Variants in CGN observed in about 807,000 individuals in gnomAD.
CGN encodes the protein cingulin.
Under a neutral mutation model 157.1 loss-of-function variants are expected in CGN, and 121 were observed. The ratio of observed to expected loss-of-function variants is 0.77; its 90% CI spans 0.66 to 0.90. The LOEUF is 0.90. Among genes scored for constraint, CGN ranks in the 40% least tolerant of loss-of-function variants. The pLI, the probability that CGN is intolerant of heterozygous loss-of-function variation, is 0.00. For synonymous variants in CGN, 535 were observed against 607.5 expected (o/e 0.88, Z 1.76); for missense variants, 1,424 against 1,520.9 (o/e 0.94, Z 1.06).
At chr1:151,520,381 C>G in intron 3 of CGN, 33 bp from the exon 4 acceptor site, 1 of 1,599,832 alleles carries the variant, frequency 6.3e-7, no homozygotes, top group South Asian at 1.1e-5. Context: ...TCTTTCCTCC[C>G]CTAACCCTTG....
At position 151,520,215 on chromosome 1, in the gene CGN, C is replaced by T; in HGVS notation, c.923C>T (p.Pro308Leu). Residue 308 changes from proline to leucine, a missense_variant, in exon 3 of 21, where the codon CCA becomes CTA. Around this residue, in one of 3 missense-constraint regions of CGN, gnomAD observed 1,187 missense variants for 1,217.6 expected, o/e 0.97. Coordinates refer to ENST00000271636, the MANE Select transcript of CGN (RefSeq NM_020770.3). ...CGAGACCAGCAGGAGGCAGCCCCAC[C>T]AGGCAGTGTGGACCATATGAAGGCC... ...LLRDQQEAAP[P>L]GSVDHMKATI... 6.2e-7 allele frequency: 1 copy of T among 1,613,992 alleles called. No homozygotes were observed.
intron 5 of CGN, among the ~76,000 whole-genome samples, chr1:151,522,228 C>T (rs1035082718): frequency 1.3e-5 from 2 of 152,342 alleles, no homozygotes; most frequent in Non-Finnish European, 2.9e-5. Context: ...TGTGATTGCA[C>T]TGCTGCACTC....
chr1:151,528,855 C>T (rs1452699689), intron 10 of CGN, among the ~76,000 whole-genome samples: 1 of 152,184 alleles, frequency 6.6e-6, no homozygotes, highest in Non-Finnish European at 1.5e-5. Context: ...CTTTTTGTCT[C>T]TGGATTTACC....
At position 151,535,574 on chromosome 1, in the gene CGN, C is replaced by T. The variant is rs367912828; in HGVS notation, c.2995-26C>T. On this transcript the variant is annotated intron_variant, in intron 16 of 20. Transcript: ENST00000271636. ...GGTTCATCCTTAGCCCTCCCCAAGT[C>T]TGGTCCTCTCACCCATCCCCACTAG... The T allele has an allele frequency of 4.4e-6, 7 of 1,588,970 alleles. No individual in the cohort carries two copies. In the African/African-American group the frequency reaches 9.4e-5, roughly 21 times the overall value.
In CGN at chr1:151,520,500, G is replaced by A; in HGVS notation, c.1044+17G>A. 6.2e-7 allele frequency: 1 copy of A among 1,613,438 alleles called. No individual in the cohort carries two copies. Among genetic ancestry groups the A allele is most frequent in the Non-Finnish European group, 8.5e-7 (1 of 1,179,366 alleles). ...CCTCTAGTGGTGAGTGGCCTTCTCT[G>A]GATGGGAGCAAGGGTCAAGGTTAGA... On this transcript the variant is annotated intron_variant, in intron 4 of 20. Transcript: ENST00000271636.
intron 1 of CGN, among the ~76,000 whole-genome samples, chr1:151,512,125 A>T (rs987127109): frequency 6.6e-6 from 1 of 152,046 alleles, no homozygotes; most frequent in African/African-American, 2.4e-5. Context: ...CAGGTGTACA[A>T]CCATTAGGCT....
intron 11 of CGN, 32 bp from the exon 12 acceptor site, chr1:151,529,877 G>A (rs560789391): frequency 3.1e-6 from 5 of 1,597,906 alleles, no homozygotes; most frequent in Non-Finnish European, 4.3e-6. Context: ...ACGCCCTGGG[G>A]TCTGAGCTGC....
chr1:151,535,901 G>C lies in CGN; in HGVS notation c.3197+3G>C. ...GAGCGGCTACAGGCTGAAGAGAGGT[G>C]ACATAAGCCTATCCTTCCTCCCTTC... On this transcript the variant is annotated splice_donor_region_variant and intron_variant, in intron 18 of 20. Coordinates refer to ENST00000271636, the MANE Select transcript of CGN (RefSeq NM_020770.3). 6.2e-7 allele frequency: 1 copy of C among 1,603,122 alleles called. No homozygotes were observed. Among genetic ancestry groups the C allele is most frequent in the Non-Finnish European group, 8.5e-7 (1 of 1,170,986 alleles).
intron 1 of CGN, among the ~76,000 whole-genome samples, chr1:151,517,889 C>A (rs1314075908): frequency 1.3e-5 from 2 of 148,468 alleles, no homozygotes; most frequent in Non-Finnish European, 3.0e-5. Context: ...CTCACTCTGT[C>A]ACCCAGGCTG....
In CGN at chr1:151,524,664, T is replaced by C. The variant is rs1573130; in HGVS notation, c.1402-10T>C. On this transcript the variant is annotated splice_polypyrimidine_tract_variant and intron_variant, in intron 7 of 20. Transcript: ENST00000271636. The surrounding 1 kb of genome is among the most constrained non-coding windows in gnomAD (Gnocchi z 4.4). ...GGTCACCCCTGTACTTCTTCCTTTA[T>C]TTTCTCCAGGACCTGTTAGAGACCC... 359,330 of 1,594,494 alleles carry C rather than the reference T, an allele frequency of 0.23. 54,806 individuals carry two copies. Among genetic ancestry groups the C allele is most frequent in the East Asian group, 0.79 (35,372 of 44,656 alleles).
upstream of CGN, among the ~76,000 whole-genome samples, chr1:151,510,327 A>G (rs1664253847): frequency 6.6e-6 from 1 of 152,224 alleles, no homozygotes; most frequent in African/African-American, 2.4e-5. Context: ...TACAGGGTAA[A>G]TATTTGTTGT....
Position 151,520,650 on chromosome 1 carries a change from A to G in CGN, c.1099A>G (p.Lys367Glu), listed in dbSNP as rs1664525170. 1 of 1,614,086 alleles carries G rather than the reference A, an allele frequency of 6.2e-7. No individual in the cohort carries two copies. Among genetic ancestry groups the G allele is most frequent in the African/African-American group, 1.3e-5 (1 of 74,954 alleles). ...GGCAGGGCAGGGTGAGCTTACCCGA[A>G]AAGTGGAGGAGCTACAGCGAAAGCT... ...AVAGQGELTR[K>E]VEELQRKLDE... The change falls in exon 5 of 21, where the codon AAA (lysine) becomes GAA (glutamate). Residue 367 changes from lysine to glutamate, a missense_variant. By Grantham distance (56) the Lys-to-Glu change is moderately conservative (BLOSUM62 1). Coordinates refer to ENST00000271636, the MANE Select transcript of CGN (RefSeq NM_020770.3).
intron 5 of CGN, among the ~76,000 whole-genome samples, chr1:151,522,979 G>A (rs1664574784): frequency 6.6e-6 from 1 of 152,046 alleles, no homozygotes; most frequent in Non-Finnish European, 1.5e-5. Flanking sequence ...TCAAATGGCT[G>A]TTGGTTGTAA....
Position 151,519,281 on chromosome 1 carries a change from C to A in CGN, c.762C>A (p.Ser254Arg). ...GCACTTCGAAGCAGCCAGCCCAGAG[C>A]CAGAACCTGAGTCCTCTCAGTGGCT... ...HVGTSKQPAQSQNLSPLSGFS... is the reference protein window; with the variant it reads ...HVGTSKQPAQRQNLSPLSGFS... Residue 254 changes from serine to arginine, a missense_variant, in exon 2 of 21, where the codon AGC becomes AGA. By Grantham distance (110) the Ser-to-Arg change is moderately radical. Coordinates refer to ENST00000271636, the MANE Select transcript of CGN (RefSeq NM_020770.3). The A allele has an allele frequency of 6.2e-7, 1 of 1,613,978 alleles. No individual in the cohort carries two copies. The highest frequency in any genetic ancestry group is 1.6e-4 in the Middle Eastern group (1 of 6,062).
chr1:151,522,244 T>C lies in CGN; in HGVS notation c.1141-1190T>C, dbSNP rs542757368. ...GTGATTGCACTGCTGCACTCCAGCC[T>C]GGGTGCCAGAGCAAGACCCTGTCTC... is the stretch of plus-strand genomic sequence containing the variant. On this transcript the variant is annotated intron_variant, in intron 5 of 20. Transcript: ENST00000271636. 2.0e-5 allele frequency among the ~76,000 whole-genome samples: 3 copies of C among 152,346 alleles called. No homozygotes were observed. In the East Asian group the frequency reaches 5.8e-4, roughly 29 times the overall value.
intron 5 of CGN, among the ~76,000 whole-genome samples, chr1:151,521,175 G>C (rs748663628): frequency 1.3e-5 from 2 of 149,056 alleles, no homozygotes; most frequent in Non-Finnish European, 3.0e-5. Flanking sequence ...AATTGCCTAT[G>C]GTAGTAAGTT....
intron 16 of CGN, 59 bp downstream of exon 16, chr1:151,535,190 T>C: frequency 4.6e-6 from 6 of 1,298,530 alleles, no homozygotes; most frequent in East Asian, 2.4e-5. Flanking sequence ...CTTGGTTCTC[T>C]CAAAAACAAC....
chr1:151,524,377 T>C lies in CGN; in HGVS notation c.1401+19T>C, dbSNP rs1182375856. On this transcript the variant is annotated intron_variant, in intron 7 of 20. Coordinates refer to ENST00000271636, the MANE Select transcript of CGN (RefSeq NM_020770.3). The surrounding 1 kb of genome is among the most constrained non-coding windows in gnomAD (Gnocchi z 4.4). ...ACTGAAGGTAGGGTCTGGGGTCATA[T>C]GCCCCAGCCTCTGCTTTTTCTCAGT... 4.3e-6 allele frequency: 7 copies of C among 1,610,530 alleles called. No homozygotes were observed. The highest frequency in any genetic ancestry group is 5.1e-6 in the Non-Finnish European group (6 of 1,178,266).
At position 151,537,877 on chromosome 1, in the gene CGN, T is replaced by A. The variant is rs1665005241; in HGVS notation, c.*531T>A. On this transcript the variant is annotated 3_prime_UTR_variant, in exon 21 of 21. Transcript: ENST00000271636. ...GCCCATGTGGTAGTCCCCATACCCC[T>A]CCAGTTCCTATATTTTTGTCTTCTT... 2.0e-5 allele frequency: 3 copies of A among 152,802 alleles called. No homozygotes were observed. The highest frequency in any genetic ancestry group is 2.0e-4 in the Admixed American group (3 of 15,296). The allele number at this position is 152,802 out of a possible 1,614,324, so 9.5% of individuals were successfully genotyped here. A position where few individuals can be genotyped will look rare whatever the true frequency, so the allele number is the denominator to read the frequency against.
Sources: allele counts gnomAD v4.1 joint callset (sites outside exome capture counted in the v4.1 genomes callset), GRCh38; gene constraint gnomAD v4.1.1; regional missense constraint gnomAD v4.1.1; non-coding constraint Gnocchi (gnomAD v3.1); transcripts MANE v1.5; gene names NCBI Gene and HGNC (gene_info 2026-07-23, HGNC 2026-07-21).